The following KAT6B variants were observed in gnomAD, a reference collection of about 807,000 sequenced individuals.
The protein encoded by KAT6B is histone acetyltransferase KAT6B.
KAT6B carries 10 observed loss-of-function variants against 187.5 expected under a neutral mutation model. The ratio of observed to expected loss-of-function variants is 0.05; its 90% confidence interval spans 0.03 to 0.09. The LOEUF (loss-of-function observed/expected upper bound fraction) is 0.09. Ranked by LOEUF, KAT6B falls within the 10% of genes least tolerant of loss-of-function variation. The probability of loss-of-function intolerance (pLI) is 1.00; values close to 1 mark genes in which losing one functional copy is unlikely to be tolerated. For synonymous variants in KAT6B, 861 were observed against 926.8 expected, an observed-to-expected ratio of 0.93 and a Z score of 1.29; for missense variants, 1,952 against 2,558.9, an observed-to-expected ratio of 0.76 and a Z score of 5.12.
rs375098403 is a variant in KAT6B, at chr10:75,019,717, C to T, written c.2630-865C>T. Among the ~76,000 whole-genome samples the T allele has an allele frequency of 1.2e-3, 178 of 151,460 alleles. 4 individuals carry two copies. The South Asian group carries it at 0.036, about 31-fold the overall frequency. Reference sequence around the variant, plus strand: ...AGTGGCTCTTAATTACTGAGACAGCCGCCAGCTTTCATTCATTACCTTCAA... The same window carrying T: ...AGTGGCTCTTAATTACTGAGACAGCTGCCAGCTTTCATTCATTACCTTCAA... On this transcript the variant is annotated intron_variant, in intron 13 of 17. Coordinates refer to ENST00000287239, the MANE Select transcript of KAT6B (RefSeq NM_012330.4).
At chr10:74,912,375 G>A (rs74393968) in intron 3 of KAT6B, among the ~76,000 whole-genome samples, 3,103 of 145,610 alleles carry the variant, frequency 0.021, 50 homozygotes, top group South Asian at 0.1. Flanking sequence ...ATGGATGGAT[G>A]GATAGATAGA....
chr10:74,938,773 G>A (rs1289474505), intron 3 of KAT6B, among the ~76,000 whole-genome samples: 1 of 151,998 alleles, frequency 6.6e-6, no homozygotes, highest in African/African-American at 2.4e-5. Flanking sequence ...GTCTCACTCT[G>A]TCACACAGGC....
chr10:74,960,664 G>A (rs1011146813), intron 4 of KAT6B, among the ~76,000 whole-genome samples: 1 of 152,118 alleles, frequency 6.6e-6, no homozygotes, highest in Admixed American at 6.5e-5. Context: ...CCATAGCCCA[G>A]TTCCTCTGCC....
chr10:74,967,559 A>T (rs779644043), intron 4 of KAT6B, among the ~76,000 whole-genome samples: 4 of 152,214 alleles, frequency 2.6e-5, no homozygotes, highest in Non-Finnish European at 5.9e-5. Flanking sequence ...TTACAGAATC[A>T]TAGAAATTTA....
rs141525949 is a variant in KAT6B, at chr10:74,951,526, G to A, written c.622-8444G>A. The stretch of plus-strand genomic sequence containing the variant: ...AGGGGGAGTGCCACCACAACTAGGT[G>A]CTGGCAACTGGTCATGCTCCAAATC... On this transcript the variant is annotated intron_variant, in intron 3 of 17. Transcript: ENST00000287239. Among the ~76,000 whole-genome samples the A allele has an allele frequency of 3.0e-3, 454 of 152,090 alleles. 3 individuals carry two copies. The highest frequency in any genetic ancestry group is 0.011 in the African/African-American group (436 of 41,470).
intron 3 of KAT6B, among the ~76,000 whole-genome samples, chr10:74,934,611 G>A (rs1178972405): frequency 6.6e-6 from 1 of 152,094 alleles, no homozygotes; most frequent in Non-Finnish European, 1.5e-5. Context: ...CTCATCTGCT[G>A]CGTGGGTCTC....
intron 3 of KAT6B, among the ~76,000 whole-genome samples, chr10:74,856,429 T>C (rs1002718522): frequency 6.6e-6 from 1 of 152,062 alleles, no homozygotes; most frequent in African/African-American, 2.4e-5. Flanking sequence ...AGATCATATA[T>C]TGCATTTGGC....
At chr10:75,008,053 T>C (rs1844342936) in intron 13 of KAT6B, among the ~76,000 whole-genome samples, 1 of 152,192 alleles carries the variant, frequency 6.6e-6, no homozygotes, top group South Asian at 2.1e-4. Context: ...ACAGCATTCC[T>C]GTAAATTTCA....
chr10:74,830,016 C>CAA (rs1313427628), intron 1 of KAT6B, among the ~76,000 whole-genome samples: 18 of 82,910 alleles, frequency 2.2e-4, no homozygotes, highest in Admixed American at 6.4e-4. Flanking sequence ...GACTCTGTCT[C>CAA]AAAAAAAAAA....
At chr10:74,986,504 T>G (rs1444258773) in intron 12 of KAT6B, among the ~76,000 whole-genome samples, 2 of 152,214 alleles carry the variant, frequency 1.3e-5, no homozygotes, top group Non-Finnish European at 2.9e-5. Context: ...GTGAAGGTAC[T>G]TGCAAACTAT....
intron 3 of KAT6B, among the ~76,000 whole-genome samples, chr10:74,867,643 C>T (rs1378012653): frequency 6.6e-6 from 1 of 152,190 alleles, no homozygotes; most frequent in Non-Finnish European, 1.5e-5. Flanking sequence ...GTTTTAGAGG[C>T]ATTTGGCTCT....
intron 3 of KAT6B, among the ~76,000 whole-genome samples, chr10:74,948,382 G>C (rs1811124149): frequency 6.6e-6 from 1 of 152,210 alleles, no homozygotes; most frequent in African/African-American, 2.4e-5. Flanking sequence ...TGTGAGTGCA[G>C]GGCATTGTCA....
chr10:74,967,588 G>A (rs1211166703), intron 4 of KAT6B, among the ~76,000 whole-genome samples: 1 of 152,140 alleles, frequency 6.6e-6, no homozygotes, highest in Non-Finnish European at 1.5e-5. Flanking sequence ...AGGGATCTAT[G>A]GCCAATTCTC....
chr10:74,829,516 G>C (rs1243990038), intron 1 of KAT6B, among the ~76,000 whole-genome samples: 1 of 150,848 alleles, frequency 6.6e-6, no homozygotes, highest in Non-Finnish European at 1.5e-5. Context: ...GCAGTGGCAC[G>C]ATCTCGGCTC....
intron 3 of KAT6B, among the ~76,000 whole-genome samples, chr10:74,932,826 A>G (rs984231917): frequency 1.3e-5 from 2 of 152,204 alleles, no homozygotes; most frequent in Non-Finnish European, 2.9e-5. Context: ...GTTCTCCTCC[A>G]GGAACTCCTG....
chr10:74,920,582 A>T (rs1000798282), intron 3 of KAT6B, among the ~76,000 whole-genome samples: 1 of 152,034 alleles, frequency 6.6e-6, no homozygotes, highest in African/African-American at 2.4e-5. Flanking sequence ...TTTTTTTTTA[A>T]CATTTGCTAA....
chr10:74,900,822 G>A lies in KAT6B; in HGVS notation c.621+57344G>A, dbSNP rs899503873. Among the ~76,000 whole-genome samples, 18 of 152,196 alleles carry A rather than the reference G, an allele frequency of 1.2e-4. 1 individual carries two copies. The highest frequency in any genetic ancestry group is 2.4e-4 in the Non-Finnish European group (16 of 68,050). ...AATTATTCATTGAGTGCAAATGTTGGGGGAGTGGGGGTTAAACAGAGACCT... is the reference window on the plus strand; with the variant it reads ...AATTATTCATTGAGTGCAAATGTTGAGGGAGTGGGGGTTAAACAGAGACCT... On this transcript the variant is annotated intron_variant, in intron 3 of 17. Coordinates refer to ENST00000287239, the MANE Select transcript of KAT6B (RefSeq NM_012330.4).
intron 1 of KAT6B, among the ~76,000 whole-genome samples, chr10:74,831,583 G>A (rs901890327): frequency 2.0e-5 from 3 of 152,096 alleles, no homozygotes; most frequent in Non-Finnish European, 4.4e-5. Flanking sequence ...ATAACTAAGA[G>A]CCAGGTGCTG....
At chr10:74,871,803 C>T (rs578074144) in intron 3 of KAT6B, among the ~76,000 whole-genome samples, 35 of 152,298 alleles carry the variant, frequency 2.3e-4, no homozygotes, top group African/African-American at 8.4e-4. Flanking sequence ...ACATCCTCAG[C>T]TCAAACAGGA....
Sources: allele counts gnomAD v4.1 joint callset (sites outside exome capture counted in the v4.1 genomes callset), GRCh38; gene constraint gnomAD v4.1.1; transcripts MANE v1.5; gene names NCBI Gene and HGNC (gene_info 2026-07-23, HGNC 2026-07-21).